NECTIN3: variants seen among roughly 807,000 people sequenced by gnomAD.
NECTIN3 encodes nectin cell adhesion molecule 3, also known as nectin-3.
In NECTIN3, 8 loss-of-function variants were observed where a neutral mutation model predicts 49.4. That is an observed-to-expected ratio of 0.16 (90% confidence interval 0.10 to 0.29). NECTIN3 has a LOEUF of 0.29. Ranked by LOEUF, NECTIN3 falls within the 10% of genes least tolerant of loss-of-function variation. The probability of loss-of-function intolerance (pLI) is 1.00; values close to 1 mark genes in which losing one functional copy is unlikely to be tolerated. For missense variants in NECTIN3, 581 were observed against 654.6 expected, an observed-to-expected ratio of 0.89 and a Z score of 1.23; for synonymous variants, 277 against 241.1, an observed-to-expected ratio of 1.15 and a Z score of -1.38.
downstream of NECTIN3, among the ~76,000 whole-genome samples, chr3:111,141,596 A>C (rs191779680): frequency 2.0e-5 from 3 of 151,880 alleles, no homozygotes; most frequent in African/African-American, 4.8e-5. Flanking sequence ...TGTGCATGCT[A>C]TCTTTTAATT....
downstream of NECTIN3, among the ~76,000 whole-genome samples, chr3:111,140,181 C>G (rs1470222622): frequency 6.6e-6 from 1 of 151,712 alleles, no homozygotes; most frequent in African/African-American, 2.4e-5. Context: ...TTCATCCCAA[C>G]CACTATTTTT....
downstream of NECTIN3, among the ~76,000 whole-genome samples, chr3:111,141,744 CT>C (rs1452330837): frequency 6.6e-6 from 1 of 151,832 alleles, no homozygotes; most frequent in East Asian, 1.9e-4. Flanking sequence ...ATGCACCACT[CT>C]TTTAGTGGTA....
chr3:111,164,292 T>C (rs975951466), intron 7 of NECTIN3, among the ~76,000 whole-genome samples: 4 of 152,216 alleles, frequency 2.6e-5, no homozygotes, highest in African/African-American at 9.6e-5. Context: ...TTATATTTGT[T>C]AAATATTTAG....
intron 5 of NECTIN3, among the ~76,000 whole-genome samples, chr3:111,127,373 C>T (rs999399084): frequency 6.6e-6 from 1 of 151,772 alleles, no homozygotes; most frequent in Non-Finnish European, 1.5e-5. Flanking sequence ...TATTATTTAT[C>T]TTCACAATTC....
chr3:111,086,067 A>T (rs2031905502), intron 1 of NECTIN3, among the ~76,000 whole-genome samples: 1 of 152,116 alleles, frequency 6.6e-6, no homozygotes, highest in Non-Finnish European at 1.5e-5. Flanking sequence ...TTGAGATTTA[A>T]GATTATGGGC....
At chr3:111,110,998 A>C (rs1282984685) in intron 1 of NECTIN3, among the ~76,000 whole-genome samples, 2 of 152,042 alleles carry the variant, frequency 1.3e-5, no homozygotes, top group Admixed American at 1.3e-4. Flanking sequence ...TTCTGTATTC[A>C]TTTAAAAATA....
intron 7 of NECTIN3, among the ~76,000 whole-genome samples, chr3:111,160,243 A>G (rs2035182179): frequency 6.6e-6 from 1 of 152,158 alleles, no homozygotes; most frequent in Non-Finnish European, 1.5e-5. Context: ...ACAGCTAGCT[A>G]CCTTCTTAAT....
chr3:111,124,266 C>T (rs932642703), intron 4 of NECTIN3, among the ~76,000 whole-genome samples: 2 of 151,994 alleles, frequency 1.3e-5, no homozygotes, highest in Non-Finnish European at 2.9e-5. Flanking sequence ...ATCATTTAAC[C>T]CCTCTAATCC....
chr3:111,176,612 A>T (rs1161522835), intron 7 of NECTIN3, among the ~76,000 whole-genome samples: 1 of 152,154 alleles, frequency 6.6e-6, no homozygotes, highest in Non-Finnish European at 1.5e-5. Context: ...TTACCTTCTT[A>T]ACCATTATTA....
At chr3:111,072,436 G>T (rs529056778) in intron 1 of NECTIN3, 48 of 1,533,694 alleles carry the variant, frequency 3.1e-5, no homozygotes, top group Admixed American at 5.9e-5. Flanking sequence ...GAGGGTTGGC[G>T]ATGGTGCTTC....
At chr3:111,105,074 C>T (rs1268099616) in intron 1 of NECTIN3, among the ~76,000 whole-genome samples, 1 of 151,834 alleles carries the variant, frequency 6.6e-6, no homozygotes, top group African/African-American at 2.4e-5. Context: ...TTTTTTCACA[C>T]CTTTGGTCAG....
In NECTIN3 at chr3:111,133,785, C is replaced by G; in HGVS notation, c.1220C>G (p.Ala407Gly). ...GATGACACAATTGCCACGATCATTG[C>G]TAGTGTAGTGGGTGGGGCTCTCTTC... ...IKDDTIATIIASVVGGALFIV... is the reference protein window; with the variant it reads ...IKDDTIATIIGSVVGGALFIV... Residue 407 changes from alanine (A) to glycine (G), a missense_variant, in exon 6 of 6, where the codon GCT (alanine) becomes GGT (glycine). Around this residue, in one of 3 missense-constraint regions of NECTIN3, gnomAD observed 238 missense variants for 244.9 expected, o/e 0.97. Transcript: ENST00000485303. 6.2e-7 allele frequency: 1 copy of G among 1,613,950 alleles called. No individual in the cohort carries two copies. The highest frequency in any genetic ancestry group is 8.5e-7 in the Non-Finnish European group (1 of 1,179,862).
chr3:111,103,106 T>C (rs1445055565), intron 1 of NECTIN3, among the ~76,000 whole-genome samples: 1 of 152,142 alleles, frequency 6.6e-6, no homozygotes, highest in Non-Finnish European at 1.5e-5. Flanking sequence ...TTGTTCTTCT[T>C]CAACATTGTG....
intron 1 of NECTIN3, chr3:111,072,718 C>T (rs2030875205): frequency 2.4e-6 from 2 of 817,564 alleles, no homozygotes; most frequent in Non-Finnish European, 1.9e-6. Flanking sequence ...TGTGCCCACT[C>T]CCCCGGCTCT....
At chr3:111,173,656 A>G (rs1001902015) in intron 7 of NECTIN3, among the ~76,000 whole-genome samples, 1 of 152,162 alleles carries the variant, frequency 6.6e-6, no homozygotes. Context: ...TTTCCTGGGT[A>G]GAATATGATC....
intron 7 of NECTIN3, among the ~76,000 whole-genome samples, chr3:111,153,129 G>A (rs1484213719): frequency 1.3e-5 from 2 of 151,836 alleles, no homozygotes; most frequent in Admixed American, 1.3e-4. Flanking sequence ...TAAGGATTGA[G>A]TATTTCTAGC....
chr3:111,126,780 TA>T (rs1265130682), intron 5 of NECTIN3, among the ~76,000 whole-genome samples: 2 of 152,162 alleles, frequency 1.3e-5, no homozygotes, highest in African/African-American at 2.4e-5. Flanking sequence ...TCCCACTTAA[TA>T]TGGGACTATA....
intron 2 of NECTIN3, among the ~76,000 whole-genome samples, chr3:111,118,435 A>C (rs1348018065): frequency 1.3e-5 from 2 of 151,552 alleles, no homozygotes; most frequent in Non-Finnish European, 2.9e-5. Context: ...AGGTAGAGCC[A>C]TCTTTGTAGT....
intron 7 of NECTIN3, among the ~76,000 whole-genome samples, chr3:111,174,748 A>G (rs2035494905): frequency 6.6e-6 from 1 of 151,222 alleles, no homozygotes; most frequent in Non-Finnish European, 1.5e-5. Flanking sequence ...TGGGGCGAGC[A>G]TGCAGACAGA....
Sources: allele counts gnomAD v4.1 joint callset (sites outside exome capture counted in the v4.1 genomes callset), GRCh38; gene constraint gnomAD v4.1.1; regional missense constraint gnomAD v4.1.1; transcripts MANE v1.5; gene names NCBI Gene and HGNC (gene_info 2026-07-23, HGNC 2026-07-21).